The following MAP6 variants were observed in gnomAD, a reference collection of about 807,000 sequenced individuals.
The protein encoded by MAP6 is microtubule-associated protein 6.
Under a neutral mutation model 42.4 loss-of-function variants are expected in MAP6, and 26 were observed. The observed-to-expected ratio is 0.61, with a 90% confidence interval of 0.45 to 0.85. The LOEUF (loss-of-function observed/expected upper bound fraction) is 0.85. MAP6 is among the 40% of genes least tolerant of loss of function. The pLI is 0.00. For synonymous variants in MAP6, 418 were observed against 443.8 expected, an observed-to-expected ratio of 0.94 and a Z score of 0.73; for missense variants, 966 against 1,099.0, an observed-to-expected ratio of 0.88 and a Z score of 1.71.
chr11:75,619,542 G>A (rs1188842213), intron 1 of MAP6, among the ~76,000 whole-genome samples: 1 of 152,044 alleles, frequency 6.6e-6, no homozygotes. Context: ...AGTGTGTGCT[G>A]TACCCCTCTA....
At chr11:75,633,445 G>A (rs537841943) in intron 1 of MAP6, among the ~76,000 whole-genome samples, 3 of 152,326 alleles carry the variant, frequency 2.0e-5, no homozygotes, top group Admixed American at 2.0e-4. Context: ...ATTAACTTAG[G>A]TGCTGTGGGA....
chr11:75,644,684 T>C (rs1012230170), intron 1 of MAP6, among the ~76,000 whole-genome samples: 43 of 152,178 alleles, frequency 2.8e-4, no homozygotes, highest in African/African-American at 9.6e-4. Flanking sequence ...TAGACAGTGA[T>C]ATAAGACAAA....
intron 3 of MAP6, among the ~76,000 whole-genome samples, chr11:75,590,733 G>A (rs1326176016): frequency 5.3e-5 from 8 of 152,258 alleles, no homozygotes; most frequent in East Asian, 1.9e-4. Flanking sequence ...TTGGGAGGCC[G>A]AGGCGGGCAG....
rs1441725403 is a variant in MAP6 at position 75,587,786 on chromosome 11, T to A, written c.1715A>T (p.Asn572Ile). 6.2e-7 allele frequency: 1 copy of A among 1,613,458 alleles called. No individual in the cohort carries two copies. Among genetic ancestry groups the A allele is most frequent in the Admixed American group, 1.7e-5 (1 of 59,962 alleles). ...QGPRIPEPVK[N>I]QAPMVPAPVK... ...AGGTGCTGGGACCATAGGAGCTTGATTCTTCACAGGCTCAGGAATCCTAGG... is the reference window on the plus strand; with the variant it reads ...AGGTGCTGGGACCATAGGAGCTTGAATCTTCACAGGCTCAGGAATCCTAGG... The change falls in exon 4 of 4, where the codon AAT (asparagine) becomes ATT (isoleucine). Residue 572 changes from asparagine (N) to isoleucine (I), a missense_variant. Physicochemically the swap from Asn to Ile is moderately radical, Grantham distance 149. Transcript: ENST00000304771.
chr11:75,634,801 T>C (rs1208328898), intron 1 of MAP6, among the ~76,000 whole-genome samples: 3 of 152,220 alleles, frequency 2.0e-5, no homozygotes, highest in African/African-American at 7.2e-5. Context: ...GGAAAATTTA[T>C]TTTTCTATTA....
intron 3 of MAP6, chr11:75,596,509 C>G (rs1942581037): frequency 6.6e-6 from 1 of 152,390 alleles, no homozygotes; most frequent in Non-Finnish European, 1.5e-5. Flanking sequence ...CTGGCTACTC[C>G]CACTGCACAG....
intron 1 of MAP6, among the ~76,000 whole-genome samples, chr11:75,613,733 A>G (rs602003): frequency 0.66 from 100,325 of 152,068 alleles, 33,879 homozygotes; most frequent in East Asian, 0.8. Flanking sequence ...CTGCAGATGA[A>G]TGGGCTCAAT....
chr11:75,629,458 C>T (rs565619643), intron 1 of MAP6, among the ~76,000 whole-genome samples: 2 of 152,216 alleles, frequency 1.3e-5, no homozygotes, highest in South Asian at 4.1e-4. Flanking sequence ...AAAAGTGGTG[C>T]TCAGGGTGGG....
In MAP6 at chr11:75,605,952, T is replaced by TG. The variant is rs1942762184; in HGVS notation, c.1171dup (p.His391ProfsTer2). The stretch of plus-strand genomic sequence containing the variant: ...GTCTTTGGCCTTCCTCGTGGGCTTA[T>TG]GGCTCGCTGAGGTCTTTTTTGGTTT... On this transcript the variant is annotated frameshift_variant, in exon 3 of 4. Transcript: ENST00000304771. LOFTEE classifies it high-confidence loss of function. The TG allele has an allele frequency of 6.2e-7, 1 of 1,614,050 alleles. No homozygotes were observed. Among genetic ancestry groups the TG allele is most frequent in the Admixed American group, 1.7e-5 (1 of 60,002 alleles).
At chr11:75,649,522 G>A (rs758711666) in intron 1 of MAP6, among the ~76,000 whole-genome samples, 10 of 152,044 alleles carry the variant, frequency 6.6e-5, no homozygotes, top group Non-Finnish European at 1.0e-4. Context: ...AAGACTAGAA[G>A]AAAATATGAT....
At chr11:75,646,204 C>G (rs1410554931) in intron 1 of MAP6, among the ~76,000 whole-genome samples, 1 of 152,208 alleles carries the variant, frequency 6.6e-6, no homozygotes. Flanking sequence ...TCACAGGCAA[C>G]AGCAGAGGCC....
In MAP6 at chr11:75,667,857, G is replaced by A; in HGVS notation, c.513C>T (p.His171=). The change falls in exon 1 of 4, where the codon CAC becomes CAT. Residue 171 remains histidine (H), a synonymous_variant. Transcript: ENST00000304771. The surrounding 1 kb of genome is among the most constrained non-coding windows in gnomAD (Gnocchi z 5.6). ...RAWPLPRRGD[H]PWIPKPVQIS... is the part of the protein sequence containing the mutation. ...TCTGCACGGGCTTGGGGATCCACGGGTGGTCCCCGCGGCGCGGCAGCGGCC... is the reference window on the plus strand; with the variant it reads ...TCTGCACGGGCTTGGGGATCCACGGATGGTCCCCGCGGCGCGGCAGCGGCC... 2.1e-6 allele frequency: 3 copies of A among 1,440,974 alleles called. No individual in the cohort carries two copies. The highest frequency in any genetic ancestry group is 2.9e-5 in the East Asian group (1 of 34,138). 89.3% of individuals were successfully genotyped at this position (1,440,974 alleles called of 1,614,324 possible). A position where few individuals can be genotyped will look rare whatever the true frequency, so the allele number is the denominator to read the frequency against.
At chr11:75,631,378 T>A (rs536546620) in intron 1 of MAP6, among the ~76,000 whole-genome samples, 7 of 152,354 alleles carry the variant, frequency 4.6e-5, no homozygotes, top group Non-Finnish European at 8.8e-5. Context: ...AGGGATAATG[T>A]CATCTACCTT....
At chr11:75,604,735 T>G in intron 3 of MAP6, 1 of 985,326 alleles carries the variant, frequency 1.0e-6, no homozygotes, top group Non-Finnish European at 1.2e-6. Context: ...TTTTATATAT[T>G]AATGAGGTCA....
intron 1 of MAP6, among the ~76,000 whole-genome samples, chr11:75,652,287 T>C (rs145647982): frequency 5.1e-4 from 78 of 152,270 alleles, no homozygotes; most frequent in Admixed American, 1.1e-3. Flanking sequence ...ATAAAGCTTG[T>C]CTCCCACCAT....
In MAP6 at chr11:75,622,797, G is replaced by A. The variant is rs185280613; in HGVS notation, c.906-14475C>T. 2.0e-3 allele frequency among the ~76,000 whole-genome samples: 297 copies of A among 152,306 alleles called. 4 individuals are homozygous for A. Among genetic ancestry groups the A allele is most frequent in the Middle Eastern group, 6.8e-3 (2 of 294 alleles). ...AGGATAGACATATAGATCTATGAACGGAATAGAGTGTTCAGAAATAGATCT... is the reference window on the plus strand; with the variant it reads ...AGGATAGACATATAGATCTATGAACAGAATAGAGTGTTCAGAAATAGATCT... On this transcript the variant is annotated intron_variant, in intron 1 of 3. Transcript: ENST00000304771.
Position 75,588,200 on chromosome 11 carries a change from A to G in MAP6, c.1317-16T>C. On this transcript the variant is annotated splice_polypyrimidine_tract_variant and intron_variant, in intron 3 of 3. Coordinates refer to ENST00000304771, the MANE Select transcript of MAP6 (RefSeq NM_033063.2). Reference sequence around the variant, plus strand: ...AGCCAGGCTCCTGCAAAGGAGAGAGAGGTGATCACTGTGAGAGTAGAGCTC... The same window carrying G: ...AGCCAGGCTCCTGCAAAGGAGAGAGGGGTGATCACTGTGAGAGTAGAGCTC... The G allele has an allele frequency of 6.2e-7, 1 of 1,602,688 alleles. No individual in the cohort carries two copies. Among genetic ancestry groups the G allele is most frequent in the Non-Finnish European group, 8.5e-7 (1 of 1,175,986 alleles).
intron 1 of MAP6, among the ~76,000 whole-genome samples, chr11:75,658,402 C>CG (rs1016597285): frequency 1.7e-3 from 176 of 106,012 alleles, no homozygotes; most frequent in Non-Finnish European, 2.8e-3. Flanking sequence ...CTCCACCCCC[C>CG]CCGCCCCAGA....
chr11:75,657,300 CG>C (rs1276867797), intron 1 of MAP6, among the ~76,000 whole-genome samples: 1 of 151,926 alleles, frequency 6.6e-6, no homozygotes, highest in African/African-American at 2.4e-5. Flanking sequence ...TTAGTAGAGA[CG>C]GGGGTTTCAC....
Sources: gnomAD v4.1 joint callset for allele counts (sites outside exome capture counted in the v4.1 genomes callset) on GRCh38, gnomAD v4.1.1 for gene constraint, Gnocchi (gnomAD v3.1) non-coding constraint, MANE v1.5 for transcripts, NCBI Gene and HGNC (gene_info 2026-07-23, HGNC 2026-07-21) for gene names.